Variants in MEX3C observed in about 807,000 individuals in gnomAD.
MEX3C encodes mex-3 RNA binding family member C.
In MEX3C, 15 loss-of-function variants were observed where a neutral mutation model predicts 35.5. That is an observed-to-expected ratio of 0.42 (90% confidence interval 0.28 to 0.65). The LOEUF is 0.65. Ranked by LOEUF, MEX3C falls within the 30% of genes least tolerant of loss-of-function variation. The probability of loss-of-function intolerance (pLI) is 0.20; values close to 1 mark genes in which losing one functional copy is unlikely to be tolerated. For synonymous variants in MEX3C, 390 were observed against 352.8 expected (o/e 1.11, Z -1.18); for missense variants, 711 against 842.8 (o/e 0.84, Z 1.94).
chr18:51,192,411 TATTTA>T (rs1912671587), intron 1 of MEX3C, among the ~76,000 whole-genome samples: 1 of 152,166 alleles, frequency 6.6e-6, no homozygotes, highest in Non-Finnish European at 1.5e-5. Flanking sequence ...AAAATTGTAA[TATTTA>T]ATTTTTAAAG....
chr18:51,179,058 C>CAG (rs993597536), intron 1 of MEX3C, among the ~76,000 whole-genome samples: 1 of 150,404 alleles, frequency 6.6e-6, no homozygotes, highest in African/African-American at 2.5e-5. Context: ...GGCTGGAGTG[C>CAG]AGTGATGTGT....
intron 1 of MEX3C, among the ~76,000 whole-genome samples, chr18:51,179,700 A>G (rs1463981366): frequency 1.4e-4 from 22 of 152,232 alleles, no homozygotes; most frequent in Non-Finnish European, 5.9e-5. Flanking sequence ...AGAGAGTACA[A>G]TGAAACTTCC....
chr18:51,195,521 G>A (rs1912758791), intron 1 of MEX3C: 1 of 152,182 alleles, frequency 6.6e-6, no homozygotes, highest in South Asian at 2.1e-4. Context: ...TTAAGCGGCA[G>A]CGCCATCATC....
chr18:51,175,313 G>C lies in MEX3C; in HGVS notation c.*1038C>G, dbSNP rs1912275668. The C allele has an allele frequency of 6.6e-6, 1 of 152,586 alleles. No homozygotes were observed. Among genetic ancestry groups the C allele is most frequent in the Admixed American group, 6.5e-5 (1 of 15,274 alleles). 9.5% of individuals were successfully genotyped at this position (152,586 alleles called of 1,614,324 possible). On this transcript the variant is annotated 3_prime_UTR_variant, in exon 2 of 2. Transcript: ENST00000406189. ...AGACATCCACAGGTGAAATGTACGA[G>C]TATATTTTAAATAAATCTTTCCTTG... is the stretch of plus-strand genomic sequence containing the variant.
rs1293317401 is a variant in MEX3C at position 51,176,462 on chromosome 18, A to G, written c.1869T>C (p.Cys623=). ...ATTCCATGCAGAAGAGGTTGTGGCC[A>G]CATGGAACTAGGGCAGCAATAACCT... The part of the protein sequence containing the change: ...ENEVIAALVP[C]GHNLFCMECA... Residue 623 remains cysteine, a synonymous_variant, in exon 2 of 2, where the codon TGT becomes TGC. Coordinates refer to ENST00000406189, the MANE Select transcript of MEX3C (RefSeq NM_016626.5). 6.2e-7 allele frequency: 1 copy of G among 1,613,946 alleles called. No individual in the cohort carries two copies. Among genetic ancestry groups the G allele is most frequent in the Non-Finnish European group, 8.5e-7 (1 of 1,179,914 alleles).
Position 51,177,038 on chromosome 18 carries a change from A to C in MEX3C, c.1293T>G (p.Val431=). 6.2e-7 allele frequency: 1 copy of C among 1,614,006 alleles called. No individual in the cohort carries two copies. Among genetic ancestry groups the C allele is most frequent in the East Asian group, 2.2e-5 (1 of 44,888 alleles). The change falls in exon 2 of 2, where the codon GTT becomes GTG. Residue 431 remains valine (V), a synonymous_variant. Transcript: ENST00000406189. This position sits in a 1 kb window ranked among gnomAD's most constrained non-coding sequence, Gnocchi z 4.2. ...ATATCATTCTTGCGCGGCTAGGAGGAACAGGATTGGAGGAGAGCCACGCAG... is the reference window on the plus strand; with the variant it reads ...ATATCATTCTTGCGCGGCTAGGAGGCACAGGATTGGAGGAGAGCCACGCAG... ...LGSAWLSSNP[V]PPSRARMISN...
intron 1 of MEX3C, among the ~76,000 whole-genome samples, chr18:51,191,795 G>GT (rs1912655279): frequency 6.6e-6 from 1 of 152,126 alleles, no homozygotes; most frequent in African/African-American, 2.4e-5. Flanking sequence ...AGCCTAGGGA[G>GT]TTTAAGTGAC....
intron 1 of MEX3C, among the ~76,000 whole-genome samples, chr18:51,188,819 C>G (rs1846021433): frequency 6.6e-6 from 1 of 152,204 alleles, no homozygotes; most frequent in Admixed American, 6.5e-5. Context: ...TCTACCTTCA[C>G]TGACTTGTAT....
At position 51,192,774 on chromosome 18, in the gene MEX3C, G is replaced by A. The variant is rs144204138; in HGVS notation, c.754+3793C>T. ...GAGCAAGTTAGCTCTCAGAACCTCT[G>A]TTTCTACCTCTCTAAACGGCAGTAA... On this transcript the variant is annotated intron_variant, in intron 1 of 1. Transcript: ENST00000406189. 2.0e-5 allele frequency: 3 copies of A among 152,222 alleles called. No individual in the cohort carries two copies. In the East Asian group the frequency reaches 5.8e-4, roughly 29 times the overall value. 9.4% of individuals were successfully genotyped at this position (152,222 alleles called of 1,614,324 possible).
Position 51,196,901 on chromosome 18 carries a change from C to G in MEX3C, c.420G>C (p.Ser140=). ...LEEAEEEDRS[S]LLLLSPPAAT... ...CCGCGGGCGGCGACAGCAGCAGCAG[C>G]GACGACCGGTCCTCCTCCTCTGCTT... The change falls in exon 1 of 2, where the codon TCG becomes TCC. Residue 140 remains serine (S), a synonymous_variant. Transcript: ENST00000406189. The G allele has an allele frequency of 6.5e-7, 1 of 1,542,204 alleles. No individual in the cohort carries two copies. The highest frequency in any genetic ancestry group is 8.7e-7 in the Non-Finnish European group (1 of 1,145,940).
intron 1 of MEX3C, among the ~76,000 whole-genome samples, chr18:51,191,638 C>T (rs147366788): frequency 2.0e-3 from 305 of 152,246 alleles, no homozygotes; most frequent in Admixed American, 4.5e-3. Flanking sequence ...CATGATTAAA[C>T]GGTGGTTCCA....
chr18:51,196,866 G>A lies in MEX3C; in HGVS notation c.455C>T (p.Ser152Phe), dbSNP rs1338808146. The A allele has an allele frequency of 3.2e-6, 5 of 1,539,678 alleles. No homozygotes were observed. In the South Asian group the frequency reaches 3.6e-5, roughly 11 times the overall value. Residue 152 changes from serine to phenylalanine, a missense_variant, in exon 1 of 2, where the codon TCT (serine) becomes TTT (phenylalanine). Physicochemically the swap from Ser to Phe is radical, Grantham distance 155. This residue lies in a region of MEX3C where 354 missense variants were observed against 311.6 expected (regional missense o/e 1.14). Transcript: ENST00000406189. ...CCCGCCCGGGATCTGCTGGGTCTGAGAGGCGGTGGCCGCGGGCGGCGACAG... is the reference window on the plus strand; with the variant it reads ...CCCGCCCGGGATCTGCTGGGTCTGAAAGGCGGTGGCCGCGGGCGGCGACAG... Reference protein sequence around the residue: ...LLLSPPAATASQTQQIPGGSL... With the variant: ...LLLSPPAATAFQTQQIPGGSL...
intron 1 of MEX3C, among the ~76,000 whole-genome samples, chr18:51,185,078 T>C (rs1358090251): frequency 2.0e-5 from 3 of 152,208 alleles, no homozygotes; most frequent in Non-Finnish European, 4.4e-5. Context: ...TATTTGTTAT[T>C]TTACAGTTTG....
Position 51,176,492 on chromosome 18 carries a change from C to T in MEX3C, c.1839G>A (p.Glu613=), listed in dbSNP as rs151237086. 214 of 1,613,898 alleles carry T rather than the reference C, an allele frequency of 1.3e-4. No homozygotes were observed. The highest frequency in any genetic ancestry group is 1.7e-4 in the Non-Finnish European group (197 of 1,179,908). Residue 613 remains glutamate, a synonymous_variant, in exon 2 of 2, where the codon GAG becomes GAA. Transcript: ENST00000406189. The stretch of plus-strand genomic sequence containing the variant: ...GAACTAGGGCAGCAATAACCTCATT[C>T]TCAAAGCAAATCACACAGTCGTGCT... ...RRKHDCVICF[E]NEVIAALVPC... is the part of the protein sequence containing the mutation.
intron 1 of MEX3C, among the ~76,000 whole-genome samples, chr18:51,190,701 C>G (rs755929723): frequency 7.3e-5 from 11 of 151,404 alleles, no homozygotes; most frequent in Non-Finnish European, 1.6e-4. Context: ...TTCTCAAAGT[C>G]AGTTATAGAA....
chr18:51,184,728 C>T (rs1426768076), intron 1 of MEX3C, among the ~76,000 whole-genome samples: 1 of 151,972 alleles, frequency 6.6e-6, no homozygotes, highest in Non-Finnish European at 1.5e-5. Flanking sequence ...CGTGGTGGTG[C>T]ACACCTGTGG....
chr18:51,189,138 T>C (rs1912602344), intron 1 of MEX3C, among the ~76,000 whole-genome samples: 1 of 152,226 alleles, frequency 6.6e-6, no homozygotes, highest in African/African-American at 2.4e-5. Context: ...TTGTTGTTAT[T>C]AAAAGACAAG....
intron 1 of MEX3C, chr18:51,195,414 T>C (rs1329504833): frequency 6.6e-6 from 1 of 152,304 alleles, no homozygotes; most frequent in Admixed American, 6.5e-5. Flanking sequence ...ATCCTACAGA[T>C]AGGAAAGAAA....
intron 1 of MEX3C, among the ~76,000 whole-genome samples, chr18:51,183,560 A>C (rs1391197642): frequency 6.6e-6 from 1 of 152,214 alleles, no homozygotes. Context: ...TTAAACAAAC[A>C]CTAACCTAGG....
Sources: gnomAD v4.1 joint callset for allele counts (sites outside exome capture counted in the v4.1 genomes callset) on GRCh38, gnomAD v4.1.1 for gene constraint, gnomAD v4.1.1 regional missense constraint, Gnocchi (gnomAD v3.1) non-coding constraint, MANE v1.5 for transcripts, NCBI Gene and HGNC (gene_info 2026-07-23, HGNC 2026-07-21) for gene names.